The following TTC3 variants were observed in gnomAD, a reference collection of about 807,000 sequenced individuals.
The protein encoded by TTC3 is tetratricopeptide repeat domain 3, also known as E3 ubiquitin-protein ligase TTC3.
Under a neutral mutation model 249.6 loss-of-function variants are expected in TTC3, and 180 were observed. The observed-to-expected ratio is 0.72, with a 90% confidence interval of 0.64 to 0.82. TTC3 has a LOEUF of 0.82. Ranked by LOEUF, TTC3 falls within the 40% of genes least tolerant of loss-of-function variation. The probability of loss-of-function intolerance (pLI) is 0.00; values close to 1 mark genes in which losing one functional copy is unlikely to be tolerated. For missense variants in TTC3, 2,061 were observed against 2,398.4 expected (o/e 0.86, Z 2.94); for synonymous variants, 717 against 805.0 (o/e 0.89, Z 1.85).
At chr21:37,199,242 G>A (rs915256117) in intron 44 of TTC3, among the ~76,000 whole-genome samples, 5 of 152,164 alleles carry the variant, frequency 3.3e-5, no homozygotes, top group Admixed American at 6.5e-5. Context: ...GCCTGCATTC[G>A]CCCACTCCCT....
chr21:37,089,561 T>TC (rs2072969531), intron 5 of TTC3, among the ~76,000 whole-genome samples: 1 of 152,174 alleles, frequency 6.6e-6, no homozygotes, highest in Admixed American at 6.5e-5. Flanking sequence ...TCGCCCATGC[T>TC]GGAGTGCAGT....
At chr21:37,194,256 G>GA (rs943938771) in intron 41 of TTC3, among the ~76,000 whole-genome samples, 1 of 152,168 alleles carries the variant, frequency 6.6e-6, no homozygotes, top group African/African-American at 2.4e-5. Context: ...ACCGCAGTTA[G>GA]AAAATACTCA....
intron 13 of TTC3, among the ~76,000 whole-genome samples, chr21:37,124,109 G>GTTTTTTTTTTTTTTTTTTTT (rs1167142816): frequency 3.8e-5 from 1 of 26,156 alleles, no homozygotes; most frequent in African/African-American, 1.5e-4. Flanking sequence ...TTTTTGAACT[G>GTTTTTTTTTTTTTTTTTTTT]TTCTTTTTTT....
chr21:37,125,050 T>G (rs1300958632), intron 14 of TTC3, among the ~76,000 whole-genome samples: 1 of 152,232 alleles, frequency 6.6e-6, no homozygotes, highest in Non-Finnish European at 1.5e-5. Flanking sequence ...AGTCCTCTTG[T>G]TGATAATATT....
chr21:37,143,581 A>G, intron 20 of TTC3, among the ~76,000 whole-genome samples: 1 of 151,956 alleles, frequency 6.6e-6, no homozygotes, highest in East Asian at 1.9e-4. Flanking sequence ...ATCATTAAAA[A>G]GTCAAGAAAC....
chr21:37,156,620 C>T (rs368513056), intron 27 of TTC3, 35 bp from the exon 28 acceptor site: 100 of 1,575,706 alleles, frequency 6.3e-5, no homozygotes, highest in Non-Finnish European at 8.1e-5. Flanking sequence ...AATAATTTCC[C>T]TCCTCTTCTG....
chr21:37,091,719 C>G (rs2073301216), intron 7 of TTC3: 1 of 155,586 alleles, frequency 6.4e-6, no homozygotes, highest in Admixed American at 6.5e-5. Flanking sequence ...GTAGTTGAGA[C>G]TATGGGCGCC....
rs377222802 is a variant in TTC3, at chr21:37,154,690, TTTTG to T, written c.2740+1429_2740+1432del. ...TCTTTTGATATAAACCATGTGTTTTTTTTGTTTGTTTGTTTGTTTTTTTGAGACA... is the reference window on the plus strand; with the variant it reads ...TCTTTTGATATAAACCATGTGTTTTTTTTGTTTGTTTGTTTTTTTGAGACA... On this transcript the variant is annotated intron_variant, in intron 27 of 45. Transcript: ENST00000355666. Among the ~76,000 whole-genome samples the T allele has an allele frequency of 6.2e-3, 939 of 152,184 alleles. 6 individuals are homozygous for T. The highest frequency in any genetic ancestry group is 0.021 in the African/African-American group (859 of 41,518).
At chr21:37,118,001 C>A (rs2076296591) in intron 11 of TTC3, among the ~76,000 whole-genome samples, 1 of 151,812 alleles carries the variant, frequency 6.6e-6, no homozygotes. Context: ...GGGATACTCT[C>A]TTTTGTTGCC....
intron 10 of TTC3, among the ~76,000 whole-genome samples, chr21:37,104,133 G>A (rs1355517017): frequency 6.6e-6 from 1 of 152,194 alleles, no homozygotes; most frequent in Non-Finnish European, 1.5e-5. Context: ...GTTGCTCGTG[G>A]TTGGTGTTGG....
chr21:37,187,019 A>G (rs2083373482), intron 37 of TTC3, 30 bp from the exon 38 acceptor site: 3 of 1,475,860 alleles, frequency 2.0e-6, no homozygotes, highest in Non-Finnish European at 1.8e-6. Context: ...TTTGTTCAAG[A>G]AAGTTTTTTT....
At position 37,184,629 on chromosome 21, in the gene TTC3, A is replaced by ATTTTTTT. The variant is rs765134090; in HGVS notation, c.4758-1064_4758-1058dup. ...ACCACCACGCCTGACTAATTTTTCT[A>ATTTTTTT]TTTTTTTTTTTTTTTTTTTAGTAGA... On this transcript the variant is annotated intron_variant, in intron 36 of 45. Coordinates refer to ENST00000355666, the Ensembl canonical transcript of TTC3. Among the ~76,000 whole-genome samples, 11 of 121,524 alleles carry ATTTTTTT rather than the reference A, an allele frequency of 9.1e-5. 1 individual carries two copies. Among genetic ancestry groups the ATTTTTTT allele is most frequent in the South Asian group, 2.6e-4 (1 of 3,830 alleles). 79.7% of individuals were successfully genotyped at this position (121,524 alleles called of 152,430 possible). A position where few individuals can be genotyped will look rare whatever the true frequency, so the allele number is the denominator to read the frequency against.
At chr21:37,098,818 A>G (rs2074198681) in intron 10 of TTC3, 1 of 152,192 alleles carries the variant, frequency 6.6e-6, no homozygotes, top group Non-Finnish European at 1.5e-5. Context: ...CAGATGTGCC[A>G]TTGACACAGG....
chr21:37,091,013 A>T (rs2073192835), intron 6 of TTC3, among the ~76,000 whole-genome samples: 1 of 152,126 alleles, frequency 6.6e-6, no homozygotes, highest in Non-Finnish European at 1.5e-5. Flanking sequence ...CAGGTTGTAG[A>T]CCTCAAATTG....
chr21:37,131,406 A>G (rs2077458666), intron 16 of TTC3, among the ~76,000 whole-genome samples: 1 of 152,146 alleles, frequency 6.6e-6, no homozygotes, highest in East Asian at 1.9e-4. Context: ...GGGCATGGGG[A>G]GCTTCTGGGC....
chr21:37,171,205 C>G (rs533340069), intron 34 of TTC3, among the ~76,000 whole-genome samples: 2 of 152,258 alleles, frequency 1.3e-5, no homozygotes, highest in African/African-American at 4.8e-5. Flanking sequence ...CAGGTAGGCT[C>G]TGTTGTTTAA....
intron 35 of TTC3, among the ~76,000 whole-genome samples, chr21:37,182,027 G>A (rs144627088): frequency 0.01 from 1,523 of 152,244 alleles, 15 homozygotes; most frequent in East Asian, 0.03. Context: ...GAAAATATTT[G>A]TTTCCTTTAA....
At chr21:37,111,932 C>G (rs1232521908) in intron 11 of TTC3, among the ~76,000 whole-genome samples, 1 of 139,688 alleles carries the variant, frequency 7.2e-6, no homozygotes, top group Non-Finnish European at 1.6e-5. Context: ...AACTGAACAA[C>G]CTGCTCCTGA....
intron 13 of TTC3, among the ~76,000 whole-genome samples, chr21:37,123,735 G>T (rs1042125152): frequency 4.6e-5 from 7 of 151,814 alleles, no homozygotes; most frequent in Non-Finnish European, 8.8e-5. Context: ...TTAGCACAAG[G>T]TCATAGGTAT....
Sources: gnomAD v4.1 joint callset for allele counts (sites outside exome capture counted in the v4.1 genomes callset) on GRCh38, gnomAD v4.1.1 for gene constraint, MANE v1.5 for transcripts, NCBI Gene and HGNC (gene_info 2026-07-23, HGNC 2026-07-21) for gene names.